The following RASGRP3 variants were observed in gnomAD, a reference collection of about 807,000 sequenced individuals.
The protein encoded by RASGRP3 is ras guanyl-releasing protein 3.
RASGRP3 carries 54 observed loss-of-function variants against 82.7 expected under a neutral mutation model. The observed-to-expected ratio is 0.65, with a 90% CI of 0.52 to 0.82. RASGRP3 has a LOEUF of 0.82. RASGRP3 is among the 40% of genes least tolerant of loss of function. RASGRP3 has a pLI of 0.00. For synonymous variants in RASGRP3, 309 were observed against 300.5 expected (o/e 1.03, Z -0.29); for missense variants, 861 against 828.9 (o/e 1.04, Z -0.48).
chr2:33,482,692 T>C (rs1270923141), intron 1 of RASGRP3: 2 of 152,226 alleles, frequency 1.3e-5, no homozygotes, highest in Admixed American at 6.5e-5. Flanking sequence ...TTTCCCAATA[T>C]GGCAATTCAG....
chr2:33,547,285 T>A (rs1378194635), intron 13 of RASGRP3, among the ~76,000 whole-genome samples: 2 of 139,108 alleles, frequency 1.4e-5, no homozygotes, highest in African/African-American at 5.3e-5. Flanking sequence ...GCAGAAAAAA[T>A]AACTGTTAGG....
At chr2:33,531,276 A>G (rs1027672451) in intron 10 of RASGRP3, among the ~76,000 whole-genome samples, 1 of 152,246 alleles carries the variant, frequency 6.6e-6, no homozygotes, top group African/African-American at 2.4e-5. Context: ...AGCCAGGCTC[A>G]AAATATGTTT....
chr2:33,451,452 C>G (rs1175136538), intron 2 of RASGRP3, among the ~76,000 whole-genome samples: 1 of 152,144 alleles, frequency 6.6e-6, no homozygotes, highest in Non-Finnish European at 1.5e-5. Flanking sequence ...GTTGCCTGTG[C>G]TTTTGGAGTC....
At chr2:33,459,845 T>G (rs1266162784) in intron 2 of RASGRP3, among the ~76,000 whole-genome samples, 17 of 152,124 alleles carry the variant, frequency 1.1e-4, no homozygotes, top group Admixed American at 1.1e-3. Context: ...GAACAAGCAA[T>G]AAATTTTTTT....
At chr2:33,494,551 G>A (rs991907433) in intron 1 of RASGRP3, among the ~76,000 whole-genome samples, 6 of 152,184 alleles carry the variant, frequency 3.9e-5, no homozygotes, top group Admixed American at 6.5e-5. Context: ...GCTGTGACTC[G>A]TAGTCAACAA....
chr2:33,531,782 C>T (rs1252169631), intron 10 of RASGRP3: 1 of 152,324 alleles, frequency 6.6e-6, no homozygotes. Context: ...TGTTCTGGTT[C>T]TCTTGAGAGA....
At chr2:33,475,903 C>T (rs1175332128), upstream of RASGRP3, among the ~76,000 whole-genome samples, 1 of 152,210 alleles carries the variant, frequency 6.6e-6, no homozygotes, top group Non-Finnish European at 1.5e-5. Flanking sequence ...CATTCACACT[C>T]GCCGGCTGAT....
In RASGRP3 at chr2:33,520,707, T is replaced by C. The variant is rs1351248952; in HGVS notation, c.368+23T>C. On this transcript the variant is annotated intron_variant, in intron 6 of 17. Coordinates refer to ENST00000403687, the MANE Select transcript of RASGRP3 (RefSeq NM_001139488.2). ...CATGTAAGAGTGGCACCGACGTCTTTCACACCCAATAAGTCCACCACTTAG... is the reference window on the plus strand; with the variant it reads ...CATGTAAGAGTGGCACCGACGTCTTCCACACCCAATAAGTCCACCACTTAG... 1.9e-6 allele frequency: 3 copies of C among 1,612,982 alleles called. No homozygotes were observed. In the Admixed American group the frequency reaches 5.0e-5, roughly 27 times the overall value.
At position 33,527,293 on chromosome 2, in the gene RASGRP3, G is replaced by A. The variant is rs1405978087; in HGVS notation, c.964G>A (p.Glu322Lys). ...TGTCATTTTCCCAGACTGGACAGAG[G>A]AGAACAAAGTGAACATTGTGAAAAT... ...VHVIFPDWTE[E>K]NKVNIVKMHQ... Residue 322 changes from glutamate (E) to lysine (K), a missense_variant, in exon 10 of 18, where the codon GAG (glutamate) becomes AAG (lysine). Transcript: ENST00000403687. 6.2e-7 allele frequency: 1 copy of A among 1,613,168 alleles called. No homozygotes were observed. Among genetic ancestry groups the A allele is most frequent in the African/African-American group, 1.3e-5 (1 of 74,928 alleles).
At chr2:33,511,395 A>C (rs950939491) in intron 1 of RASGRP3, among the ~76,000 whole-genome samples, 1 of 152,222 alleles carries the variant, frequency 6.6e-6, no homozygotes, top group Non-Finnish European at 1.5e-5. Flanking sequence ...AATGTTTGGA[A>C]ATTCTTAATG....
At chr2:33,462,685 AGT>A (rs1308694229) in intron 2 of RASGRP3, among the ~76,000 whole-genome samples, 2 of 152,160 alleles carry the variant, frequency 1.3e-5, no homozygotes, top group African/African-American at 4.8e-5. Flanking sequence ...CCAGATGTAG[AGT>A]TTCTAACTGC....
chr2:33,554,026 C>G (rs908103233), intron 14 of RASGRP3, among the ~76,000 whole-genome samples: 1 of 152,160 alleles, frequency 6.6e-6, no homozygotes, highest in Non-Finnish European at 1.5e-5. Flanking sequence ...CGTGAGCCAC[C>G]GCGCCCGGCT....
chr2:33,452,603 T>A (rs1665857785), intron 2 of RASGRP3, among the ~76,000 whole-genome samples: 1 of 151,762 alleles, frequency 6.6e-6, no homozygotes, highest in South Asian at 2.1e-4. Flanking sequence ...ATCCTGTCCA[T>A]GAGATGGACC....
intron 1 of RASGRP3, among the ~76,000 whole-genome samples, chr2:33,442,231 G>A (rs1375981779): frequency 6.6e-6 from 1 of 152,330 alleles, no homozygotes; most frequent in East Asian, 1.9e-4. Flanking sequence ...AGGCGTGATG[G>A]CATGCGCCTG....
At chr2:33,561,927 T>A (rs1676704942) in intron 17 of RASGRP3, among the ~76,000 whole-genome samples, 2 of 152,238 alleles carry the variant, frequency 1.3e-5, no homozygotes, top group East Asian at 3.8e-4. Flanking sequence ...AAACTTCTTC[T>A]TTTGTTTTCC....
At chr2:33,488,952 C>T (rs897599012) in intron 1 of RASGRP3, among the ~76,000 whole-genome samples, 8 of 149,914 alleles carry the variant, frequency 5.3e-5, no homozygotes, top group South Asian at 2.1e-4. Flanking sequence ...GGGGTTTGAC[C>T]GATTTTTTTT....
Position 33,534,351 on chromosome 2 carries a change from A to T in RASGRP3, c.1112A>T (p.Asp371Val). 6.3e-7 allele frequency: 1 copy of T among 1,579,984 alleles called. No homozygotes were observed. The highest frequency in any genetic ancestry group is 8.7e-7 in the Non-Finnish European group (1 of 1,149,896). ...TLSLDLYHTEDDIYKLSLVLE... is the reference protein window; with the variant it reads ...TLSLDLYHTEVDIYKLSLVLE... ...TCCCTGGACCTCTATCACACTGAAG[A>T]TGATATTTACAAACTGTCACTGGTG... is the stretch of plus-strand genomic sequence containing the variant. The change falls in exon 11 of 18, where the codon GAT (aspartate) becomes GTT (valine). Residue 371 changes from aspartate (D) to valine (V), a missense_variant. Transcript: ENST00000403687.
chr2:33,445,674 C>T (rs1665461121), intron 1 of RASGRP3, among the ~76,000 whole-genome samples: 1 of 151,602 alleles, frequency 6.6e-6, no homozygotes. Flanking sequence ...TGAAATCTAA[C>T]TATTGATGTA....
intron 14 of RASGRP3, among the ~76,000 whole-genome samples, chr2:33,552,006 CAAACAAACAAACAAACAAACA>C (rs1675415225): frequency 8.3e-6 from 1 of 120,582 alleles, no homozygotes; most frequent in Admixed American, 8.3e-5. Context: ...AACAAACAAA[CAAACAAACAAACAAACAAACA>C]GAGAAACAAA....
Sources: gnomAD v4.1 joint callset for allele counts (sites outside exome capture counted in the v4.1 genomes callset) on GRCh38, gnomAD v4.1.1 for gene constraint, MANE v1.5 for transcripts, NCBI Gene and HGNC (gene_info 2026-07-23, HGNC 2026-07-21) for gene names.